ARL10: variants seen among roughly 807,000 people sequenced by gnomAD.
The protein encoded by ARL10 is ADP-ribosylation factor-like protein 10.
ARL10 carries 23 observed loss-of-function variants against 26.1 expected under a neutral mutation model. The observed-to-expected ratio is 0.88, with a 90% CI of 0.63 to 1.25. ARL10 has a LOEUF of 1.25. Ranked by LOEUF, ARL10 falls within the 50% of genes most tolerant of loss-of-function variation. ARL10 has a pLI of 0.00. For missense variants in ARL10, 300 were observed against 323.6 expected (o/e 0.93, Z 0.56); for synonymous variants, 138 against 149.1 (o/e 0.93, Z 0.54).
downstream of ARL10, chr5:176,401,995 T>C (rs139583161): frequency 2.1e-3 from 669 of 320,110 alleles, 4 homozygotes; most frequent in African/African-American, 0.013. Flanking sequence ...CGATTTATCA[T>C]GTCACACTTT....
chr5:176,387,921 A>G (rs1270996898), intron 1 of ARL10, among the ~76,000 whole-genome samples: 1 of 152,210 alleles, frequency 6.6e-6, no homozygotes, highest in African/African-American at 2.4e-5. Flanking sequence ...TCCAACTCTT[A>G]GGGAGTACTA....
At chr5:176,366,318 T>A in intron 1 of ARL10, 62 bp from the exon 2 acceptor site, 1 of 1,530,966 alleles carries the variant, frequency 6.5e-7, no homozygotes, top group Non-Finnish European at 8.7e-7. Flanking sequence ...GCCTTCGGTC[T>A]TCCCTCGGGA....
At chr5:176,394,280 G>A (rs1756388764) in intron 1 of ARL10, among the ~76,000 whole-genome samples, 1 of 152,192 alleles carries the variant, frequency 6.6e-6, no homozygotes, top group Non-Finnish European at 1.5e-5. Flanking sequence ...TCAGCATGAC[G>A]ACAGAGCCTG....
At chr5:176,409,927 T>C in the ARL10 span, among the ~76,000 whole-genome samples, 1 of 152,226 alleles carries the variant, frequency 6.6e-6, no homozygotes, top group Non-Finnish European at 1.5e-5. Flanking sequence ...GCCTGGGTTC[T>C]GCCTCCCGTC....
Position 176,373,340 on chromosome 5 carries a change from CTCTGTA to C in ARL10, c.*1446_*1451del, listed in dbSNP as rs570108122. ...GCGATCAGCCCAATTGAAGGACTGGCTCTGTACTGACACTTATTATCGGTACAGGCA... is the reference window on the plus strand; with the variant it reads ...GCGATCAGCCCAATTGAAGGACTGGCCTGACACTTATTATCGGTACAGGCA... On this transcript the variant is annotated 3_prime_UTR_variant, in exon 4 of 4. Coordinates refer to ENST00000310389, the MANE Select transcript of ARL10 (RefSeq NM_173664.6). 2.5e-3 allele frequency: 772 copies of C among 314,408 alleles called. 4 individuals carry two copies. The highest frequency in any genetic ancestry group is 0.015 in the African/African-American group (713 of 47,124). The allele number at this position is 314,408 out of a possible 1,614,324, so 19.5% of individuals were successfully genotyped here. A position where few individuals can be genotyped will look rare whatever the true frequency, so the allele number is the denominator to read the frequency against.
rs1481480230 is a variant in ARL10, at chr5:176,366,517, C to G, written c.321C>G (p.Ile107Met). Residue 107 changes from isoleucine to methionine, a missense_variant, in exon 2 of 4, where the codon ATC (isoleucine) becomes ATG (methionine). By Grantham distance (10) the Ile-to-Met change is conservative. Coordinates refer to ENST00000310389, the MANE Select transcript of ARL10 (RefSeq NM_173664.6). ...GGAAGCCACCGCTGGAAGGCCACAT[C>G]CCCACCTGGGGCTTCAACTCCGTGC... is the stretch of plus-strand genomic sequence containing the variant. ...LSGKPPLEGH[I>M]PTWGFNSVRL... 1.2e-6 allele frequency: 2 copies of G among 1,614,018 alleles called. No homozygotes were observed. Among genetic ancestry groups the G allele is most frequent in the Non-Finnish European group, 1.7e-6 (2 of 1,180,040 alleles).
At chr5:176,393,502 G>A (rs973347064), downstream of ARL10, among the ~76,000 whole-genome samples, 2 of 152,218 alleles carry the variant, frequency 1.3e-5, no homozygotes, top group Non-Finnish European at 1.5e-5. The surrounding 1 kb of genome is among the most constrained non-coding windows in gnomAD (Gnocchi z 4.4). Flanking sequence ...CAGCTAAAGA[G>A]GATCTTTACA....
intron 1 of ARL10, chr5:176,397,641 T>C: frequency 6.3e-7 from 1 of 1,597,852 alleles, no homozygotes; most frequent in Non-Finnish European, 8.5e-7. Flanking sequence ...ACTTGTTCAC[T>C]CTGGCGCTGG....
At chr5:176,407,758 C>T in the ARL10 span, among the ~76,000 whole-genome samples, 4 of 152,194 alleles carry the variant, frequency 2.6e-5, no homozygotes, top group Admixed American at 6.5e-5. Flanking sequence ...GAAGCAAATC[C>T]TCATTCTTTG....
At chr5:176,394,352 G>A (rs541634507) in intron 1 of ARL10, among the ~76,000 whole-genome samples, 1 of 152,186 alleles carries the variant, frequency 6.6e-6, no homozygotes, top group Non-Finnish European at 1.5e-5. Flanking sequence ...GGGTTTTCAC[G>A]AGACCCCCTG....
chr5:176,388,176 G>T, intron 1 of ARL10: 1 of 1,300,798 alleles, frequency 7.7e-7, no homozygotes, highest in Non-Finnish European at 1.1e-6. Flanking sequence ...TGACACCTAG[G>T]TCAGTATGGC....
intron 1 of ARL10, among the ~76,000 whole-genome samples, chr5:176,395,371 G>A (rs1414971006): frequency 1.3e-5 from 2 of 152,210 alleles, no homozygotes; most frequent in African/African-American, 4.8e-5. Flanking sequence ...AGCACGGTGA[G>A]GGGGGCGGCC....
chr5:176,384,612 C>T (rs1755687176), downstream of ARL10: 1 of 548,260 alleles, frequency 1.8e-6, no homozygotes, highest in Non-Finnish European at 3.2e-6. Context: ...CCCAGTGAGA[C>T]CCTGTCTCTC....
At chr5:176,398,729 A>G (rs1355822206) in intron 1 of ARL10, among the ~76,000 whole-genome samples, 1 of 152,060 alleles carries the variant, frequency 6.6e-6, no homozygotes, top group African/African-American at 2.4e-5. Flanking sequence ...TAAACAAATA[A>G]AAATAAAAAA....
In ARL10 at chr5:176,374,266, T is replaced by C. The variant is rs1437032198; in HGVS notation, c.*2371T>C. 1.3e-5 allele frequency: 2 copies of C among 152,250 alleles called. 1 individual carries two copies. Among genetic ancestry groups the C allele is most frequent in the Non-Finnish European group, 2.9e-5 (2 of 68,034 alleles). The allele number at this position is 152,250 out of a possible 1,614,324, so 9.4% of individuals were successfully genotyped here. On this transcript the variant is annotated 3_prime_UTR_variant, in exon 4 of 4. Transcript: ENST00000310389. ...AGCTTCACAGTGTCCCTCATTTTGC[T>C]CAGCCCCTTAATTTTGAGAGATTGA... is the stretch of plus-strand genomic sequence containing the variant.
chr5:176,392,207 C>T (rs977539468), downstream of ARL10, among the ~76,000 whole-genome samples: 7 of 152,346 alleles, frequency 4.6e-5, no homozygotes, highest in Admixed American at 3.9e-4. The surrounding 1 kb of genome is among the most constrained non-coding windows in gnomAD (Gnocchi z 5.2). Flanking sequence ...CAAGCCACTT[C>T]CCCTCTGGGA....
downstream of ARL10, chr5:176,386,004 A>C (rs1270668135): frequency 1.3e-5 from 2 of 152,584 alleles, no homozygotes; most frequent in African/African-American, 2.4e-5. Context: ...ATTATCTTTG[A>C]CACGGTTGCC....
chr5:176,383,711 C>A (rs2241578), downstream of ARL10, among the ~76,000 whole-genome samples: 37,721 of 152,210 alleles, frequency 0.25, 4,819 homozygotes, highest in South Asian at 0.33. Flanking sequence ...GCAAGGCAGG[C>A]CCCTTCCAAA....
chr5:176,385,966 T>C (rs1241984242), downstream of ARL10: 1 of 152,562 alleles, frequency 6.6e-6, no homozygotes, highest in Non-Finnish European at 1.5e-5. Context: ...TATCCAGAGG[T>C]TAGGTCCTCA....
Sources: gnomAD v4.1 joint callset for allele counts (sites outside exome capture counted in the v4.1 genomes callset) on GRCh38, gnomAD v4.1.1 for gene constraint, Gnocchi (gnomAD v3.1) non-coding constraint, MANE v1.5 for transcripts, NCBI Gene and HGNC (gene_info 2026-07-23, HGNC 2026-07-21) for gene names.